The following PRKG1 variants were observed in gnomAD, a reference collection of about 807,000 sequenced individuals.
The protein encoded by PRKG1 is cGMP-dependent protein kinase 1.
A neutral mutation model predicts 88.1 loss-of-function variants in PRKG1; 35 were observed. The ratio of observed to expected loss-of-function variants is 0.40; its 90% CI spans 0.30 to 0.53. PRKG1 has a LOEUF of 0.53. Among genes scored for constraint, PRKG1 ranks in the 20% least tolerant of loss-of-function variants. The pLI is 0.59. For synonymous variants in PRKG1, 303 were observed against 292.5 expected (o/e 1.04, Z -0.37); for missense variants, 540 against 839.8 (o/e 0.64, Z 4.41).
chr10:52,286,424 C>A (rs1344930071), intron 14 of PRKG1, among the ~76,000 whole-genome samples: 2 of 151,840 alleles, frequency 1.3e-5, no homozygotes, highest in Non-Finnish European at 2.9e-5. Flanking sequence ...TTCAATCAAG[C>A]CCACAAAAAG....
chr10:51,186,338 T>C (rs899415208), intron 2 of PRKG1, among the ~76,000 whole-genome samples: 2 of 152,034 alleles, frequency 1.3e-5, no homozygotes, highest in Non-Finnish European at 2.9e-5. Context: ...TCATGGTGTT[T>C]TGGATTCTTT....
chr10:51,127,318 CAAAA>C (rs1283677399), intron 1 of PRKG1, among the ~76,000 whole-genome samples: 7 of 152,094 alleles, frequency 4.6e-5, no homozygotes. Context: ...AGACACTTCT[CAAAA>C]GAAGACATAT....
intron 1 of PRKG1, among the ~76,000 whole-genome samples, chr10:51,065,324 A>G (rs1254386606): frequency 6.6e-6 from 1 of 152,108 alleles, no homozygotes; most frequent in East Asian, 1.9e-4. Context: ...AGAGTAAGAA[A>G]GAAGGTGAGA....
chr10:52,064,139 C>T lies in PRKG1; in HGVS notation c.935+1508C>T, dbSNP rs370990473. Among the ~76,000 whole-genome samples, 4 of 152,276 alleles carry T rather than the reference C, an allele frequency of 2.6e-5. No homozygotes were observed. The East Asian group carries it at 7.8e-4, about 30-fold the overall frequency. ...AACCTGTCTGCCTCCTGCTGCCATTCATGACACCCAGGCTGTAGGTGCCAG... is the reference window on the plus strand; with the variant it reads ...AACCTGTCTGCCTCCTGCTGCCATTTATGACACCCAGGCTGTAGGTGCCAG... On this transcript the variant is annotated intron_variant, in intron 7 of 17. Coordinates refer to ENST00000373980, the MANE Select transcript of PRKG1 (RefSeq NM_006258.4).
chr10:51,606,566 G>T (rs1838772556), intron 3 of PRKG1, among the ~76,000 whole-genome samples: 1 of 152,000 alleles, frequency 6.6e-6, no homozygotes, highest in Non-Finnish European at 1.5e-5. Context: ...CACCAAAAGG[G>T]GTAAATCAGA....
At chr10:51,462,095 T>C (rs1257726769) in intron 2 of PRKG1, among the ~76,000 whole-genome samples, 3 of 152,170 alleles carry the variant, frequency 2.0e-5, no homozygotes, top group Non-Finnish European at 4.4e-5. Context: ...TGAAAGAATA[T>C]GTAATGTAAA....
chr10:51,283,351 C>T (rs1332004633), intron 2 of PRKG1, among the ~76,000 whole-genome samples: 1 of 152,040 alleles, frequency 6.6e-6, no homozygotes, highest in African/African-American at 2.4e-5. Context: ...AATCCCTTCT[C>T]TTGTGTTACA....
intron 2 of PRKG1, among the ~76,000 whole-genome samples, chr10:51,257,952 A>G (rs1207444763): frequency 6.6e-6 from 1 of 152,118 alleles, no homozygotes; most frequent in Non-Finnish European, 1.5e-5. Flanking sequence ...TAAATTTAAT[A>G]TATGTCCCCT....
intron 1 of PRKG1, among the ~76,000 whole-genome samples, chr10:51,061,060 G>GTTGTGTGTGTGTGTGTGT (rs148204735): frequency 1.2e-4 from 18 of 147,042 alleles, no homozygotes; most frequent in African/African-American, 3.9e-4. Flanking sequence ...TATACCTAGG[G>GTTGTGTGTGTGTGTGTGT]GTGTGTGTGT....
At chr10:51,623,938 C>G (rs1427368641) in intron 3 of PRKG1, among the ~76,000 whole-genome samples, 2 of 152,018 alleles carry the variant, frequency 1.3e-5, no homozygotes, top group African/African-American at 2.4e-5. Context: ...CTATTTTTCT[C>G]TCTAAAAAAT....
intron 2 of PRKG1, among the ~76,000 whole-genome samples, chr10:51,227,234 C>G (rs1838717558): frequency 6.6e-6 from 1 of 151,514 alleles, no homozygotes; most frequent in Admixed American, 6.6e-5. Context: ...AGAGACATGT[C>G]AGTCATCATA....
chr10:51,315,651 AC>A (rs1231149159), intron 2 of PRKG1, among the ~76,000 whole-genome samples: 1 of 152,204 alleles, frequency 6.6e-6, no homozygotes, highest in Non-Finnish European at 1.5e-5. Flanking sequence ...CTTTCCTGAG[AC>A]CACATAGCCA....
intron 5 of PRKG1, among the ~76,000 whole-genome samples, chr10:52,041,961 A>G (rs534745642): frequency 1.3e-5 from 2 of 152,234 alleles, no homozygotes; most frequent in South Asian, 4.1e-4. Flanking sequence ...TAATAGCTTC[A>G]CACACACAAA....
At chr10:51,351,490 C>A (rs918203432) in intron 2 of PRKG1, among the ~76,000 whole-genome samples, 4 of 151,752 alleles carry the variant, frequency 2.6e-5, no homozygotes, top group African/African-American at 9.7e-5. Context: ...TTTTGATTTG[C>A]ATTTCTCATC....
At chr10:51,927,447 TTATCAGCAG>T (rs1304576806) in intron 5 of PRKG1, among the ~76,000 whole-genome samples, 1 of 152,158 alleles carries the variant, frequency 6.6e-6, no homozygotes, top group Admixed American at 6.6e-5. Context: ...GGGTATGTCT[TTATCAGCAG>T]AGTGAAAATG....
At chr10:51,553,418 T>A (rs1197255245) in intron 3 of PRKG1, among the ~76,000 whole-genome samples, 2 of 151,648 alleles carry the variant, frequency 1.3e-5, no homozygotes, top group Non-Finnish European at 3.0e-5. Flanking sequence ...ATAATTAAGG[T>A]GAATTGGAAA....
At chr10:52,163,750 C>A (rs1051354633) in intron 9 of PRKG1, among the ~76,000 whole-genome samples, 21 of 152,116 alleles carry the variant, frequency 1.4e-4, no homozygotes, top group African/African-American at 5.1e-4. Flanking sequence ...TTCATGGATT[C>A]ACTTGCACAT....
chr10:51,805,231 G>A (rs1290023715), intron 4 of PRKG1, among the ~76,000 whole-genome samples: 1 of 151,786 alleles, frequency 6.6e-6, no homozygotes, highest in Admixed American at 6.6e-5. Context: ...TTCATTTTAT[G>A]CTACAGGTTT....
chr10:51,535,824 G>T (rs1842135060), intron 3 of PRKG1, among the ~76,000 whole-genome samples: 1 of 151,196 alleles, frequency 6.6e-6, no homozygotes, highest in South Asian at 2.1e-4. Context: ...CCCGGTTCAA[G>T]CAATTCTCCT....
Sources: gnomAD v4.1 joint callset for allele counts (sites outside exome capture counted in the v4.1 genomes callset) on GRCh38, gnomAD v4.1.1 for gene constraint, MANE v1.5 for transcripts, NCBI Gene and HGNC (gene_info 2026-07-23, HGNC 2026-07-21) for gene names.